CTDSPL: variants seen among roughly 807,000 people sequenced by gnomAD.
CTDSPL encodes CTD small phosphatase-like protein.
Under a neutral mutation model 30.5 loss-of-function variants are expected in CTDSPL, and 8 were observed. The observed-to-expected ratio is 0.26, with a 90% CI of 0.15 to 0.47. The LOEUF (loss-of-function observed/expected upper bound fraction) is 0.47. CTDSPL is among the 20% of genes least tolerant of loss of function. The pLI is 0.99. For missense variants in CTDSPL, 248 were observed against 366.1 expected, an observed-to-expected ratio of 0.68 and a Z score of 2.63; for synonymous variants, 110 against 137.9, an observed-to-expected ratio of 0.80 and a Z score of 1.42.
At chr3:37,892,445 ATTT>A (rs902541496) in intron 1 of CTDSPL, among the ~76,000 whole-genome samples, 3 of 152,248 alleles carry the variant, frequency 2.0e-5, no homozygotes, top group African/African-American at 7.2e-5. Context: ...CTTATAACAT[ATTT>A]TTTTAATACC....
rs574783544 is a variant in CTDSPL at position 37,977,028 on chromosome 3, A to T, written c.705+1134A>T. Among the ~76,000 whole-genome samples the T allele has an allele frequency of 2.0e-5, 3 of 152,376 alleles. No homozygotes were observed. In the South Asian group the frequency reaches 6.2e-4, roughly 32 times the overall value. Reference sequence around the variant, plus strand: ...AATCCAGAACTCTGCAGTCTCGCTTATAACCAAAAAAAATTCAAACTCAAT... The same window carrying T: ...AATCCAGAACTCTGCAGTCTCGCTTTTAACCAAAAAAAATTCAAACTCAAT... On this transcript the variant is annotated intron_variant, in intron 7 of 7. Coordinates refer to ENST00000273179, the MANE Select transcript of CTDSPL (RefSeq NM_001008392.2).
chr3:37,928,644 C>T (rs1341555477), intron 1 of CTDSPL, among the ~76,000 whole-genome samples: 2 of 152,174 alleles, frequency 1.3e-5, no homozygotes, highest in African/African-American at 2.4e-5. Context: ...TTTTTGTTGT[C>T]GTTCTGCATT....
rs117741204 is a variant in CTDSPL at position 37,970,475 on chromosome 3, T to A, written c.427-932T>A. ...ACATGCTGAATTGAATTTTAAAGAG[T>A]TTGATTTATTTTAGTGAAGTGGCTA... is the stretch of plus-strand genomic sequence containing the variant. On this transcript the variant is annotated intron_variant, in intron 5 of 7. Transcript: ENST00000273179. Among the ~76,000 whole-genome samples the A allele has an allele frequency of 8.7e-4, 133 of 152,028 alleles. 3 individuals carry two copies. In the East Asian group the frequency reaches 0.025, roughly 28 times the overall value.
chr3:37,896,025 T>C (rs1471771419), intron 1 of CTDSPL, among the ~76,000 whole-genome samples: 1 of 152,220 alleles, frequency 6.6e-6, no homozygotes, highest in Non-Finnish European at 1.5e-5. Context: ...TGAGGCTTCA[T>C]TGGGATCTGC....
At chr3:37,956,788 T>C (rs1268851174) in intron 2 of CTDSPL, among the ~76,000 whole-genome samples, 1 of 152,252 alleles carries the variant, frequency 6.6e-6, no homozygotes, top group East Asian at 1.9e-4. Context: ...AACCAAGGAT[T>C]AAAGTATGAG....
intron 1 of CTDSPL, chr3:37,944,932 T>G (rs2125621424): frequency 6.6e-6 from 1 of 150,598 alleles, no homozygotes; most frequent in East Asian, 1.9e-4. Context: ...TTATGAATAG[T>G]GTACTGGTTC....
chr3:37,893,074 G>T (rs947452693), intron 1 of CTDSPL, among the ~76,000 whole-genome samples: 1 of 152,206 alleles, frequency 6.6e-6, no homozygotes. Context: ...CTGTTCCATT[G>T]TGCAGGCATG....
At chr3:37,901,944 A>G (rs534449769) in intron 1 of CTDSPL, among the ~76,000 whole-genome samples, 15 of 152,226 alleles carry the variant, frequency 9.9e-5, no homozygotes, top group East Asian at 3.9e-4. Flanking sequence ...TGCCTATACT[A>G]TCCTTGGTAT....
At chr3:37,864,241 C>G (rs1697980627) in intron 1 of CTDSPL, among the ~76,000 whole-genome samples, 2 of 152,222 alleles carry the variant, frequency 1.3e-5, no homozygotes, top group Admixed American at 1.3e-4. Flanking sequence ...TGCCCCCCAC[C>G]TGACTCCAGG....
rs918550667 is a variant in CTDSPL, at chr3:37,895,506, A to G, written c.79+33228A>G. ...GTCACCCAAGCACTACATGCTGTCT[A>G]TTGGAGTTTTAGCCATGCAGCATGG... On this transcript the variant is annotated intron_variant, in intron 1 of 7. Coordinates refer to ENST00000273179, the MANE Select transcript of CTDSPL (RefSeq NM_001008392.2). Among the ~76,000 whole-genome samples, 4 of 152,114 alleles carry G rather than the reference A, an allele frequency of 2.6e-5. No individual in the cohort carries two copies. The East Asian group carries it at 5.8e-4, about 22-fold the overall frequency.
chr3:37,871,111 A>G (rs1487807420), intron 1 of CTDSPL, among the ~76,000 whole-genome samples: 1 of 151,976 alleles, frequency 6.6e-6, no homozygotes, highest in Non-Finnish European at 1.5e-5. Flanking sequence ...CCACTTATTC[A>G]TCTCTCTCTC....
At chr3:37,904,916 C>T (rs1042248924) in intron 1 of CTDSPL, among the ~76,000 whole-genome samples, 4 of 152,106 alleles carry the variant, frequency 2.6e-5, no homozygotes, top group South Asian at 4.2e-4. Context: ...AGTAACTAGC[C>T]AAAACATGAC....
chr3:37,924,037 G>A (rs997988662), intron 1 of CTDSPL, among the ~76,000 whole-genome samples: 2 of 152,292 alleles, frequency 1.3e-5, no homozygotes, highest in East Asian at 1.9e-4. Context: ...AAAACAAAAC[G>A]AAACAGAGAA....
At chr3:37,969,903 A>G (rs1559648086) in intron 5 of CTDSPL, among the ~76,000 whole-genome samples, 2 of 152,176 alleles carry the variant, frequency 1.3e-5, no homozygotes, top group Non-Finnish European at 2.9e-5. Context: ...TTGGTTCTGT[A>G]TAGAATTCCT....
intron 1 of CTDSPL, among the ~76,000 whole-genome samples, chr3:37,903,361 G>A (rs1223434635): frequency 6.6e-6 from 1 of 152,354 alleles, no homozygotes; most frequent in East Asian, 1.9e-4. Context: ...CCATTTGAGA[G>A]GCCTTCTTGT....
rs896098088 is a variant in CTDSPL at position 37,984,380 on chromosome 3, C to T, written c.*3513C>T. On this transcript the variant is annotated 3_prime_UTR_variant, in exon 8 of 8. Coordinates refer to ENST00000273179, the MANE Select transcript of CTDSPL (RefSeq NM_001008392.2). ...AGCATTACTTAGGAAATGCTACATG[C>T]GGAATGTGCACGTTTCCAGGGGCGA... 2.2e-5 allele frequency: 10 copies of T among 444,794 alleles called. No individual in the cohort carries two copies. The highest frequency in any genetic ancestry group is 4.2e-4 in the Middle Eastern group (1 of 2,356). The allele number at this position is 444,794 out of a possible 1,614,324, so 27.6% of individuals were successfully genotyped here. A position where few individuals can be genotyped will look rare whatever the true frequency, so the allele number is the denominator to read the frequency against.
Position 37,982,424 on chromosome 3 carries a change from G to T in CTDSPL, c.*1557G>T. 1 of 396,718 alleles carries T rather than the reference G, an allele frequency of 2.5e-6. No individual in the cohort carries two copies. The highest frequency in any genetic ancestry group is 1.9e-5 in the South Asian group (1 of 53,812). 24.6% of individuals were successfully genotyped at this position (396,718 alleles called of 1,614,324 possible). A position where few individuals can be genotyped will look rare whatever the true frequency, so the allele number is the denominator to read the frequency against. ...TATTGCTCTTAAAAACAATTAAAAAGAACCCTTTCATATTGGCACCATTGC... is the reference window on the plus strand; with the variant it reads ...TATTGCTCTTAAAAACAATTAAAAATAACCCTTTCATATTGGCACCATTGC... On this transcript the variant is annotated 3_prime_UTR_variant, in exon 8 of 8. Coordinates refer to ENST00000273179, the MANE Select transcript of CTDSPL (RefSeq NM_001008392.2).
In CTDSPL at chr3:37,966,835, C is replaced by T. The variant is rs9867519; in HGVS notation, c.370-991C>T. 3.7e-3 allele frequency among the ~76,000 whole-genome samples: 565 copies of T among 152,240 alleles called. 1 individual carries two copies. The highest frequency in any genetic ancestry group is 0.013 in the African/African-American group (538 of 41,538). ...ACCAGATGCTGTACCCCTACCCCTG[C>T]CCAGAGGCCACCACACACACCTTCT... On this transcript the variant is annotated intron_variant, in intron 4 of 7. Transcript: ENST00000273179.
chr3:37,922,158 C>T (rs1220108323), intron 1 of CTDSPL, among the ~76,000 whole-genome samples: 1 of 151,952 alleles, frequency 6.6e-6, no homozygotes, highest in African/African-American at 2.4e-5. Flanking sequence ...TCACTTGAAC[C>T]TGGGAGGTGG....
Sources: gnomAD v4.1 joint callset for allele counts (sites outside exome capture counted in the v4.1 genomes callset) on GRCh38, gnomAD v4.1.1 for gene constraint, MANE v1.5 for transcripts, NCBI Gene and HGNC (gene_info 2026-07-23, HGNC 2026-07-21) for gene names.